The following MYRIP variants were observed in gnomAD, a reference collection of about 807,000 sequenced individuals.
The protein encoded by MYRIP is myosin VIIA and Rab interacting protein.
Under a neutral mutation model 98.0 loss-of-function variants are expected in MYRIP, and 49 were observed. That is an observed-to-expected ratio of 0.50 (90% CI 0.40 to 0.63). The LOEUF (loss-of-function observed/expected upper bound fraction) is 0.63. Among genes scored for constraint, MYRIP ranks in the 30% least tolerant of loss-of-function variants. The probability of loss-of-function intolerance (pLI) is 0.00; values close to 1 mark genes in which losing one functional copy is unlikely to be tolerated. For synonymous variants in MYRIP, 404 were observed against 409.5 expected, an observed-to-expected ratio of 0.99 and a Z score of 0.16; for missense variants, 1,004 against 1,058.2, an observed-to-expected ratio of 0.95 and a Z score of 0.71.
At chr3:39,852,540 TC>T (rs1325519980) in intron 1 of MYRIP, among the ~76,000 whole-genome samples, 1 of 150,932 alleles carries the variant, frequency 6.6e-6, no homozygotes, top group Non-Finnish European at 1.5e-5. Flanking sequence ...ATCACCCCAC[TC>T]CCCCCTTCCC....
At chr3:40,114,289 C>CT (rs1227338766) in intron 3 of MYRIP, among the ~76,000 whole-genome samples, 1 of 152,158 alleles carries the variant, frequency 6.6e-6, no homozygotes, top group Non-Finnish European at 1.5e-5. Flanking sequence ...CAATTACGTG[C>CT]TGTACAGGTT....
chr3:40,177,822 G>T (rs78355139), intron 8 of MYRIP, among the ~76,000 whole-genome samples: 7,118 of 152,178 alleles, frequency 0.047, 223 homozygotes, highest in Non-Finnish European at 0.063. Flanking sequence ...CTTACTGTGT[G>T]CCCAGTGACT....
At chr3:40,240,624 T>C (rs558635752) in intron 12 of MYRIP, among the ~76,000 whole-genome samples, 1 of 152,300 alleles carries the variant, frequency 6.6e-6, no homozygotes, top group East Asian at 1.9e-4. Context: ...AGAATTATCT[T>C]GTCTCTCAGC....
At chr3:39,835,359 C>T (rs1483215643) in intron 1 of MYRIP, among the ~76,000 whole-genome samples, 16 of 138,972 alleles carry the variant, frequency 1.2e-4, no homozygotes, top group East Asian at 4.6e-4. Flanking sequence ...TTGCTGGGGG[C>T]GGGGGGTGTG....
At chr3:39,845,326 G>T (rs1288758575) in intron 1 of MYRIP, among the ~76,000 whole-genome samples, 1 of 152,102 alleles carries the variant, frequency 6.6e-6, no homozygotes, top group East Asian at 1.9e-4. Context: ...AAGTTCAGTG[G>T]CAGCTGGTTT....
intron 3 of MYRIP, among the ~76,000 whole-genome samples, chr3:40,072,155 T>C (rs1399162589): frequency 6.6e-6 from 1 of 152,196 alleles, no homozygotes; most frequent in Non-Finnish European, 1.5e-5. Flanking sequence ...GATAGGTGCT[T>C]AGTGCACTAA....
chr3:39,904,253 T>C (rs1257861710), intron 2 of MYRIP, among the ~76,000 whole-genome samples: 3 of 152,118 alleles, frequency 2.0e-5, no homozygotes, highest in African/African-American at 7.2e-5. Context: ...TGTTTGTTTG[T>C]TTGTTTGTTT....
In MYRIP at chr3:39,912,469, A is replaced by G. The variant is rs557751794; in HGVS notation, c.110+11543A>G. On this transcript the variant is annotated intron_variant, in intron 2 of 16. Transcript: ENST00000302541. ...TGGAAAAATTATCTTAGCTGCTCCA[A>G]TCAAAATTCAAATATATCCAACAAA... Among the ~76,000 whole-genome samples the G allele has an allele frequency of 9.3e-4, 142 of 152,362 alleles. 1 individual carries two copies. Among genetic ancestry groups the G allele is most frequent in the Non-Finnish European group, 2.1e-4 (14 of 68,040 alleles).
At chr3:40,115,242 A>G (rs947813476) in intron 3 of MYRIP, among the ~76,000 whole-genome samples, 1 of 152,228 alleles carries the variant, frequency 6.6e-6, no homozygotes, top group Non-Finnish European at 1.5e-5. Flanking sequence ...TAGTTTAAAA[A>G]TAAAATTAGT....
Position 40,009,531 on chromosome 3 carries a change from C to T in MYRIP, c.111-34519C>T, listed in dbSNP as rs144049780. Among the ~76,000 whole-genome samples, 890 of 152,258 alleles carry T rather than the reference C, an allele frequency of 5.8e-3. 9 individuals are homozygous for T. Among genetic ancestry groups the T allele is most frequent in the African/African-American group, 0.02 (823 of 41,552 alleles). On this transcript the variant is annotated intron_variant, in intron 2 of 16. Coordinates refer to ENST00000302541, the MANE Select transcript of MYRIP (RefSeq NM_015460.4). ...TGCTGGGATTACAGGTATGAGCCACCACGCCTGGCCCCAACTGCTACTTTT... is the reference window on the plus strand; with the variant it reads ...TGCTGGGATTACAGGTATGAGCCACTACGCCTGGCCCCAACTGCTACTTTT...
intron 2 of MYRIP, among the ~76,000 whole-genome samples, chr3:39,986,311 A>G (rs1684356952): frequency 6.6e-6 from 1 of 151,766 alleles, no homozygotes; most frequent in Admixed American, 6.6e-5. Flanking sequence ...TCTTTTTCTC[A>G]TTTCTTCTTT....
chr3:40,165,827 A>C (rs914356384), intron 5 of MYRIP, among the ~76,000 whole-genome samples: 3 of 151,942 alleles, frequency 2.0e-5, no homozygotes, highest in African/African-American at 4.8e-5. Flanking sequence ...GCTTGTATTC[A>C]TCTCAGTTTT....
chr3:39,999,501 T>C (rs1050222483), intron 2 of MYRIP, among the ~76,000 whole-genome samples: 6 of 152,168 alleles, frequency 3.9e-5, no homozygotes, highest in Non-Finnish European at 5.9e-5. Flanking sequence ...GTTAGAATGG[T>C]GATCATTAAA....
At position 40,167,186 on chromosome 3, in the gene MYRIP, C is replaced by A; in HGVS notation, c.676C>A (p.Arg226=). The A allele has an allele frequency of 6.2e-7, 1 of 1,614,142 alleles. No homozygotes were observed. Among genetic ancestry groups the A allele is most frequent in the South Asian group, 1.1e-5 (1 of 91,078 alleles). Residue 226 remains arginine (R), a synonymous_variant, in exon 7 of 17, where the codon CGG becomes AGG. Coordinates refer to ENST00000302541, the MANE Select transcript of MYRIP (RefSeq NM_015460.4). The stretch of plus-strand genomic sequence containing the variant: ...CAAGCAAAATGAGGCCAGTTACCTG[C>A]GGGACCACAAGGAGGAGCTAACTGA... ...LDKQNEASYL[R]DHKEELTEEL...
At chr3:40,006,352 G>A (rs1202920122) in intron 2 of MYRIP, among the ~76,000 whole-genome samples, 1 of 152,096 alleles carries the variant, frequency 6.6e-6, no homozygotes, top group African/African-American at 2.4e-5. Context: ...CTGCGCCACT[G>A]TACTCCAGCC....
At position 40,022,717 on chromosome 3, in the gene MYRIP, G is replaced by T. The variant is rs537274349; in HGVS notation, c.111-21333G>T. 2.9e-4 allele frequency among the ~76,000 whole-genome samples: 44 copies of T among 152,256 alleles called. No homozygotes were observed. The East Asian group carries it at 7.2e-3, about 25-fold the overall frequency. ...TTAAGGGTATTTTAATGCAGAATGGGTAGGATTTAATGCAAGATTAAAGCC... is the reference window on the plus strand; with the variant it reads ...TTAAGGGTATTTTAATGCAGAATGGTTAGGATTTAATGCAAGATTAAAGCC... On this transcript the variant is annotated intron_variant, in intron 2 of 16. Coordinates refer to ENST00000302541, the MANE Select transcript of MYRIP (RefSeq NM_015460.4).
chr3:40,021,361 T>C (rs1229017096), intron 2 of MYRIP, among the ~76,000 whole-genome samples: 1 of 152,172 alleles, frequency 6.6e-6, no homozygotes, highest in African/African-American at 2.4e-5. Flanking sequence ...AACTGACATT[T>C]ACCTTTACAA....
In MYRIP at chr3:40,083,875, C is replaced by T. The variant is rs553902803; in HGVS notation, c.332+39604C>T. On this transcript the variant is annotated intron_variant, in intron 3 of 16. Transcript: ENST00000302541. ...ATTCTCGGCCGGGCGCGGTGGCTCA[C>T]GCCTGTAATCCCAACACTTTGTGAG... 7.2e-5 allele frequency among the ~76,000 whole-genome samples: 11 copies of T among 152,098 alleles called. No homozygotes were observed. In the East Asian group the frequency reaches 9.7e-4, roughly 13 times the overall value.
intron 1 of MYRIP, among the ~76,000 whole-genome samples, chr3:39,890,136 C>T (rs1172579711): frequency 1.3e-5 from 2 of 151,918 alleles, no homozygotes; most frequent in Non-Finnish European, 2.9e-5. Flanking sequence ...ACTTTTCCTC[C>T]ATATCTAGAA....
Sources: allele counts gnomAD v4.1 joint callset (sites outside exome capture counted in the v4.1 genomes callset), GRCh38; gene constraint gnomAD v4.1.1; transcripts MANE v1.5; gene names NCBI Gene and HGNC (gene_info 2026-07-23, HGNC 2026-07-21).